GXYLT1: variants seen among roughly 807,000 people sequenced by gnomAD.
GXYLT1 encodes the protein glucoside xylosyltransferase 1.
Under a neutral mutation model 54.0 loss-of-function variants are expected in GXYLT1, and 29 were observed. The observed-to-expected ratio is 0.54, with a 90% CI of 0.40 to 0.73. The LOEUF is 0.73. Ranked by LOEUF, GXYLT1 falls within the 30% of genes least tolerant of loss-of-function variation. GXYLT1 has a pLI of 0.00. For synonymous variants in GXYLT1, 176 were observed against 204.1 expected (o/e 0.86, Z 1.17); for missense variants, 490 against 553.4 (o/e 0.89, Z 1.15).
intron 5 of GXYLT1, among the ~76,000 whole-genome samples, chr12:42,099,346 A>G (rs1051879303): frequency 6.6e-6 from 1 of 152,202 alleles, no homozygotes; most frequent in Non-Finnish European, 1.5e-5. Flanking sequence ...TAAAAGCAGC[A>G]ATTTCTGTAT....
At chr12:42,139,966 G>A (rs938566961) in intron 1 of GXYLT1, among the ~76,000 whole-genome samples, 2 of 152,088 alleles carry the variant, frequency 1.3e-5, no homozygotes, top group Non-Finnish European at 2.9e-5. Context: ...CGGATCATAA[G>A]GTCAGGAGAT....
At chr12:42,097,644 C>G in intron 6 of GXYLT1, 30 bp from the exon 7 acceptor site, 3 of 1,562,854 alleles carry the variant, frequency 1.9e-6, no homozygotes, top group Non-Finnish European at 2.6e-6. Context: ...AACAATGAAG[C>G]AAATACCCCT....
intron 3 of GXYLT1, among the ~76,000 whole-genome samples, chr12:42,115,349 T>A (rs958703553): frequency 2.0e-5 from 3 of 152,196 alleles, no homozygotes; most frequent in Non-Finnish European, 2.9e-5. Context: ...TTGTTCCTGT[T>A]TGCAGATGAC....
intron 3 of GXYLT1, among the ~76,000 whole-genome samples, chr12:42,112,473 G>A (rs187513970): frequency 1.3e-5 from 2 of 152,270 alleles, no homozygotes; most frequent in Admixed American, 1.3e-4. Context: ...GAAAACCAAG[G>A]CATGAGAGCT....
chr12:42,090,495 T>C (rs902838767), intron 7 of GXYLT1, among the ~76,000 whole-genome samples: 1 of 152,248 alleles, frequency 6.6e-6, no homozygotes, highest in African/African-American at 2.4e-5. Flanking sequence ...AGCCTTTCCA[T>C]GTACAGTTAA....
intron 1 of GXYLT1, among the ~76,000 whole-genome samples, chr12:42,133,765 T>C (rs1275457161): frequency 6.6e-6 from 1 of 152,202 alleles, no homozygotes; most frequent in East Asian, 1.9e-4. Context: ...GTGAGTAAAA[T>C]GGACATGGAT....
chr12:42,116,984 T>C (rs1374643360), intron 3 of GXYLT1, among the ~76,000 whole-genome samples: 3 of 151,640 alleles, frequency 2.0e-5, no homozygotes, highest in Admixed American at 6.6e-5. Flanking sequence ...TGTAGGGACA[T>C]GGATGAAGCT....
chr12:42,102,177 A>G (rs148618246), intron 5 of GXYLT1, among the ~76,000 whole-genome samples: 2 of 152,320 alleles, frequency 1.3e-5, no homozygotes, highest in African/African-American at 4.8e-5. Context: ...TGTCATTATC[A>G]GCCTGTCCTA....
chr12:42,132,020 C>T (rs942366874), intron 1 of GXYLT1, among the ~76,000 whole-genome samples: 1 of 152,106 alleles, frequency 6.6e-6, no homozygotes, highest in Non-Finnish European at 1.5e-5. Context: ...AACAGTGAAA[C>T]ATGGAAATAG....
rs2065261959 is a variant in GXYLT1, at chr12:42,082,901, C to T, written c.*4885G>A. 6.6e-6 allele frequency: 1 copy of T among 152,144 alleles called. No homozygotes were observed. 9.4% of individuals were successfully genotyped at this position (152,144 alleles called of 1,614,324 possible). On this transcript the variant is annotated 3_prime_UTR_variant, in exon 8 of 8. Transcript: ENST00000398675. ...CCTGTATATAAACTAATCAAAGGCTCCATGTCAGTTCTTAAGTTTGATATT... is the reference window on the plus strand; with the variant it reads ...CCTGTATATAAACTAATCAAAGGCTTCATGTCAGTTCTTAAGTTTGATATT...
chr12:42,109,949 G>A (rs1219940215), intron 3 of GXYLT1, among the ~76,000 whole-genome samples: 1 of 152,120 alleles, frequency 6.6e-6, no homozygotes, highest in Non-Finnish European at 1.5e-5. Flanking sequence ...CCCAAAATCA[G>A]AAAGGTGAAA....
intron 7 of GXYLT1, 50 bp from the exon 8 acceptor site, chr12:42,087,997 A>G (rs561828822): frequency 5.1e-5 from 49 of 959,018 alleles, no homozygotes; most frequent in African/African-American, 3.6e-4. Context: ...GCAAAGGTAC[A>G]TATGTAAGTT....
chr12:42,098,787 T>A, intron 5 of GXYLT1, among the ~76,000 whole-genome samples: 1 of 56,862 alleles, frequency 1.8e-5, no homozygotes, highest in African/African-American at 7.0e-5. Context: ...ATATATATAA[T>A]ACATGTGTGT....
chr12:42,136,023 A>G (rs2065617716), intron 1 of GXYLT1, among the ~76,000 whole-genome samples: 1 of 152,236 alleles, frequency 6.6e-6, no homozygotes, highest in African/African-American at 2.4e-5. Flanking sequence ...CATATGCTGC[A>G]TACCATTAAA....
intron 5 of GXYLT1, among the ~76,000 whole-genome samples, chr12:42,101,832 A>C (rs2065391882): frequency 6.6e-6 from 1 of 152,114 alleles, no homozygotes; most frequent in South Asian, 2.1e-4. Context: ...TCGGCCTCCC[A>C]AAGTGCTGGG....
intron 2 of GXYLT1, among the ~76,000 whole-genome samples, chr12:42,127,410 A>G (rs2065569524): frequency 6.6e-6 from 1 of 152,224 alleles, no homozygotes; most frequent in African/African-American, 2.4e-5. Context: ...AGAAAGTATA[A>G]CAGAGGAAAG....
At chr12:42,120,104 TTTCA>T (rs2065521663) in intron 2 of GXYLT1, among the ~76,000 whole-genome samples, 1 of 152,166 alleles carries the variant, frequency 6.6e-6, no homozygotes, top group African/African-American at 2.4e-5. Flanking sequence ...TTTGAAGGTC[TTTCA>T]TTCAATTTTT....
At chr12:42,101,342 A>G (rs1253478132) in intron 5 of GXYLT1, among the ~76,000 whole-genome samples, 1 of 152,188 alleles carries the variant, frequency 6.6e-6, no homozygotes, top group African/African-American at 2.4e-5. Context: ...AGTCAAGAAA[A>G]TATGAATTTT....
rs1162203203 is a variant in GXYLT1 at position 42,083,500 on chromosome 12, T to C, written c.*4286A>G. 1 of 152,168 alleles carries C rather than the reference T, an allele frequency of 6.6e-6. No homozygotes were observed. The highest frequency in any genetic ancestry group is 1.5e-5 in the Non-Finnish European group (1 of 68,024). The allele number at this position is 152,168 out of a possible 1,614,324, so 9.4% of individuals were successfully genotyped here. ...GCACCCCTACTTTTCTTCTCTACTC[T>C]AAGGAACCAAAAAAATTATTTTAAA... On this transcript the variant is annotated 3_prime_UTR_variant, in exon 8 of 8. Transcript: ENST00000398675.
Sources: allele counts gnomAD v4.1 joint callset (sites outside exome capture counted in the v4.1 genomes callset), GRCh38; gene constraint gnomAD v4.1.1; transcripts MANE v1.5; gene names NCBI Gene and HGNC (gene_info 2026-07-23, HGNC 2026-07-21).